RGL1: variants seen among roughly 807,000 people sequenced by gnomAD.
The protein encoded by RGL1 is ral guanine nucleotide dissociation stimulator-like 1.
RGL1 carries 24 observed loss-of-function variants against 95.2 expected under a neutral mutation model. The observed-to-expected ratio is 0.25, with a 90% confidence interval of 0.18 to 0.35. The LOEUF is 0.35. Among genes scored for constraint, RGL1 ranks in the 10% least tolerant of loss-of-function variants. The probability of loss-of-function intolerance (pLI) is 1.00; values close to 1 mark genes in which losing one functional copy is unlikely to be tolerated. For synonymous variants in RGL1, 329 were observed against 344.9 expected, an observed-to-expected ratio of 0.95 and a Z score of 0.51; for missense variants, 715 against 936.3, an observed-to-expected ratio of 0.76 and a Z score of 3.08.
chr1:183,866,600 C>T (rs114258846), intron 4 of RGL1, among the ~76,000 whole-genome samples: 2,405 of 152,242 alleles, frequency 0.016, 63 homozygotes, highest in African/African-American at 0.056. Context: ...GGCCGGAGCG[C>T]GTGCTAGGGG....
chr1:183,780,195 T>C (rs185944999), intron 2 of RGL1, among the ~76,000 whole-genome samples: 11 of 152,356 alleles, frequency 7.2e-5, no homozygotes, highest in Admixed American at 6.5e-4. Context: ...ATGTTTCTAA[T>C]ATGCTTTGCG....
At chr1:183,749,254 A>G (rs1657845061) in intron 2 of RGL1, among the ~76,000 whole-genome samples, 1 of 152,192 alleles carries the variant, frequency 6.6e-6, no homozygotes, top group Non-Finnish European at 1.5e-5. Context: ...GTGGGAGTCT[A>G]AGTCTCATTG....
Position 183,682,671 on chromosome 1 carries a change from CGTCTATTAGATGT to C in RGL1, c.-33+46172_-33+46184del, listed in dbSNP as rs1653300485. 2.0e-5 allele frequency among the ~76,000 whole-genome samples: 3 copies of C among 152,138 alleles called. No homozygotes were observed. The South Asian group carries it at 6.2e-4, about 32-fold the overall frequency. On this transcript the variant is annotated intron_variant, in intron 1 of 18. Transcript: ENST00000304685. Reference sequence around the variant, plus strand: ...GATTTGGGGTGGAGAGTTCTGTAGACGTCTATTAGATGTGCTTGGTCCAGAGCTGAGTTCAAGT... The same window carrying C: ...GATTTGGGGTGGAGAGTTCTGTAGACGCTTGGTCCAGAGCTGAGTTCAAGT...
rs1665646739 is a variant in RGL1, at chr1:183,863,533, G to A, written c.348-2463G>A. ...GATCTACCTAAAGCAGAATTGCTCT[G>A]GCTACTGGGCAGAAGCTGGGGACCA... On this transcript the variant is annotated intron_variant, in intron 3 of 17. Coordinates refer to ENST00000360851, the MANE Select transcript of RGL1 (RefSeq NM_001297671.3). Among the ~76,000 whole-genome samples the A allele has an allele frequency of 2.0e-5, 3 of 151,998 alleles. No homozygotes were observed. In the South Asian group the frequency reaches 6.2e-4, roughly 32 times the overall value.
In RGL1 at chr1:183,892,143, C is replaced by T. The variant is rs1242360853; in HGVS notation, c.1122C>T (p.Ser374=). 4 of 1,611,776 alleles carry T rather than the reference C, an allele frequency of 2.5e-6. No homozygotes were observed. Among genetic ancestry groups the T allele is most frequent in the Non-Finnish European group, 3.4e-6 (4 of 1,178,472 alleles). ...CAGACCATAATAACCATTTGACCAG[C>T]CGAGAACTACTGATGAAGGTGAGGC... ...IFSDHNNHLT[S]RELLMKEGTS... The change falls in exon 9 of 18, where the codon AGC becomes AGT. Residue 374 remains serine, a synonymous_variant. Transcript: ENST00000360851.
chr1:183,898,917 A>G (rs1667859652), intron 10 of RGL1, among the ~76,000 whole-genome samples: 1 of 152,132 alleles, frequency 6.6e-6, no homozygotes, highest in Non-Finnish European at 1.5e-5. Flanking sequence ...TTCTGCCAAA[A>G]TTTCCAGAAT....
At chr1:183,869,834 A>G (rs1572529021) in intron 4 of RGL1, among the ~76,000 whole-genome samples, 1 of 152,208 alleles carries the variant, frequency 6.6e-6, no homozygotes, top group Non-Finnish European at 1.5e-5. Context: ...GACCTCTGGC[A>G]TCTGACTTGC....
At chr1:183,816,901 A>G (rs1004172056) in intron 2 of RGL1, among the ~76,000 whole-genome samples, 2 of 152,174 alleles carry the variant, frequency 1.3e-5, no homozygotes, top group Admixed American at 6.5e-5. Context: ...TTCCAGGTGC[A>G]TCGAGAATGC....
At chr1:183,657,639 C>T (rs1356427363) in intron 1 of RGL1, among the ~76,000 whole-genome samples, 14 of 148,282 alleles carry the variant, frequency 9.4e-5, no homozygotes, top group East Asian at 4.0e-4. Flanking sequence ...TTTATGGCTG[C>T]ATAGTATTCC....
At chr1:183,699,582 C>T (rs1654461885) in intron 1 of RGL1, among the ~76,000 whole-genome samples, 1 of 152,120 alleles carries the variant, frequency 6.6e-6, no homozygotes. Flanking sequence ...GTCTGGTTTT[C>T]TTTATCCAGG....
intron 1 of RGL1, among the ~76,000 whole-genome samples, chr1:183,729,753 A>G (rs1366648874): frequency 6.6e-6 from 1 of 152,222 alleles, no homozygotes; most frequent in Non-Finnish European, 1.5e-5. Flanking sequence ...TGTATAAATA[A>G]AATGTTTAAC....
At chr1:183,692,104 ATATCT>A (rs1217945689) in intron 1 of RGL1, among the ~76,000 whole-genome samples, 10 of 151,634 alleles carry the variant, frequency 6.6e-5, no homozygotes, top group Non-Finnish European at 4.4e-5. Flanking sequence ...TGAGTTCTTA[ATATCT>A]TATATTTTCT....
At chr1:183,761,880 T>C (rs1286784584) in intron 2 of RGL1, among the ~76,000 whole-genome samples, 1 of 152,218 alleles carries the variant, frequency 6.6e-6, no homozygotes, top group Non-Finnish European at 1.5e-5. Flanking sequence ...CCTTGCACTT[T>C]TAAGTTATGG....
chr1:183,920,715 CA>C (rs1205169379), intron 16 of RGL1, among the ~76,000 whole-genome samples: 2 of 152,208 alleles, frequency 1.3e-5, no homozygotes, highest in African/African-American at 4.8e-5. Context: ...TTCATACTAT[CA>C]AAAACATATT....
At chr1:183,923,661 T>C (rs1241266143) in intron 17 of RGL1, among the ~76,000 whole-genome samples, 2 of 152,174 alleles carry the variant, frequency 1.3e-5, no homozygotes, top group African/African-American at 4.8e-5. Context: ...TGGTTCCTCA[T>C]ATATCACAGG....
At chr1:183,668,003 ATGTGTGTG>A (rs71130628) in intron 1 of RGL1, among the ~76,000 whole-genome samples, 67,075 of 135,144 alleles carry the variant, frequency 0.5, 16,160 homozygotes, top group East Asian at 0.76. Flanking sequence ...GCTTATATAT[ATGTGTGTG>A]TGTGTGTGTG....
At chr1:183,911,449 G>A (rs1300896994) in intron 14 of RGL1, among the ~76,000 whole-genome samples, 2 of 152,140 alleles carry the variant, frequency 1.3e-5, no homozygotes, top group African/African-American at 4.8e-5. Flanking sequence ...CCCTGGGTGT[G>A]CATTAAAACC....
At chr1:183,669,151 C>T (rs1048698313) in intron 1 of RGL1, among the ~76,000 whole-genome samples, 1 of 151,836 alleles carries the variant, frequency 6.6e-6, no homozygotes, top group Non-Finnish European at 1.5e-5. Flanking sequence ...ACCATGTTGG[C>T]CAGGATGGTC....
intron 10 of RGL1, among the ~76,000 whole-genome samples, chr1:183,899,435 A>G (rs1261360520): frequency 1.3e-5 from 2 of 152,172 alleles, no homozygotes; most frequent in African/African-American, 4.8e-5. Flanking sequence ...TATTCTGTAG[A>G]ATGTTCCACA....
Sources: gnomAD v4.1 joint callset for allele counts (sites outside exome capture counted in the v4.1 genomes callset) on GRCh38, gnomAD v4.1.1 for gene constraint, MANE v1.5 for transcripts, NCBI Gene and HGNC (gene_info 2026-07-23, HGNC 2026-07-21) for gene names.